The following RCAN2 variants were observed in gnomAD, a reference collection of about 807,000 sequenced individuals.
RCAN2 encodes calcipressin-2.
Under a neutral mutation model 23.6 loss-of-function variants are expected in RCAN2, and 9 were observed. The ratio of observed to expected loss-of-function variants is 0.38; its 90% CI spans 0.23 to 0.67. RCAN2 has a LOEUF of 0.67. Among genes scored for constraint, RCAN2 ranks in the 30% least tolerant of loss-of-function variants. The pLI, the probability that RCAN2 is intolerant of heterozygous loss-of-function variation, is 0.51. For synonymous variants in RCAN2, 109 were observed against 115.7 expected (o/e 0.94, Z 0.37); for missense variants, 273 against 302.3 (o/e 0.90, Z 0.72).
chr6:46,317,346 C>T (rs1249434272), intron 2 of RCAN2, among the ~76,000 whole-genome samples: 2 of 152,170 alleles, frequency 1.3e-5, no homozygotes, highest in South Asian at 4.1e-4. Flanking sequence ...AACACCACTT[C>T]TGATAAGAAA....
intron 2 of RCAN2, among the ~76,000 whole-genome samples, chr6:46,337,637 T>C (rs1026810761): frequency 2.6e-5 from 4 of 152,218 alleles, no homozygotes; most frequent in African/African-American, 9.6e-5. Flanking sequence ...TCACCTTTCA[T>C]CGTAACTTTA....
chr6:46,330,589 A>G (rs906947872), intron 2 of RCAN2, among the ~76,000 whole-genome samples: 18 of 152,160 alleles, frequency 1.2e-4, no homozygotes, highest in African/African-American at 3.9e-4. Flanking sequence ...CAGCTGTACT[A>G]TGATGTCCTC....
rs1445872305 is a variant in RCAN2 at position 46,243,829 on chromosome 6, A to AC, written c.571+2918_571+2919insG. Among the ~76,000 whole-genome samples, 18 of 150,720 alleles carry AC rather than the reference A, an allele frequency of 1.2e-4. 3 individuals carry two copies. The South Asian group carries it at 3.8e-3, about 32-fold the overall frequency. On this transcript the variant is annotated intron_variant, in intron 4 of 4. Transcript: ENST00000371374. ...TGTCTCAAAAAAAAAAAAAAAAAAA[A>AC]AAACCAAGAAATAATTCTTGATTCA...
intron 2 of RCAN2, among the ~76,000 whole-genome samples, chr6:46,442,243 A>T (rs182152189): frequency 5.2e-4 from 79 of 152,330 alleles, no homozygotes; most frequent in Non-Finnish European, 8.8e-4. Context: ...AGGCAACAGA[A>T]CTCAAGAGTT....
chr6:46,225,769 T>A (rs1203578556), intron 4 of RCAN2, among the ~76,000 whole-genome samples: 1 of 152,244 alleles, frequency 6.6e-6, no homozygotes, highest in Non-Finnish European at 1.5e-5. Flanking sequence ...TCTTTTGCTG[T>A]GCAGAAGCTC....
At chr6:46,360,612 A>C (rs1020770200) in intron 2 of RCAN2, among the ~76,000 whole-genome samples, 1 of 151,198 alleles carries the variant, frequency 6.6e-6, no homozygotes, top group African/African-American at 2.4e-5. Flanking sequence ...CTGAGAAACT[A>C]TTTTGAAGAA....
At chr6:46,250,141 A>G (rs1358575253) in intron 2 of RCAN2, among the ~76,000 whole-genome samples, 2 of 152,164 alleles carry the variant, frequency 1.3e-5, no homozygotes, top group Admixed American at 6.5e-5. Context: ...CTGACCCTCA[A>G]CCATCTAACA....
chr6:46,459,045 G>A (rs1047336176), intron 1 of RCAN2, among the ~76,000 whole-genome samples: 12 of 152,120 alleles, frequency 7.9e-5, no homozygotes, highest in Admixed American at 3.9e-4. Context: ...TTACAGGCAC[G>A]TGCTACCACG....
At chr6:46,472,500 C>T (rs530102725) in intron 1 of RCAN2, among the ~76,000 whole-genome samples, 1 of 152,256 alleles carries the variant, frequency 6.6e-6, no homozygotes, top group Non-Finnish European at 1.5e-5. Flanking sequence ...CTCCGCATCC[C>T]ATTCCCCTGT....
At chr6:46,248,097 T>G (rs1766582050) in intron 3 of RCAN2, among the ~76,000 whole-genome samples, 2 of 152,210 alleles carry the variant, frequency 1.3e-5, no homozygotes, top group Non-Finnish European at 2.9e-5. Flanking sequence ...TATCTAGTGA[T>G]GAGGTGAGGG....
chr6:46,384,194 G>A (rs1324827986), intron 2 of RCAN2, among the ~76,000 whole-genome samples: 3 of 152,118 alleles, frequency 2.0e-5, no homozygotes, highest in Non-Finnish European at 4.4e-5. Context: ...GTGACTTCCT[G>A]CATTGTTAAT....
intron 2 of RCAN2, among the ~76,000 whole-genome samples, chr6:46,456,101 T>G (rs1009102594): frequency 1.3e-5 from 2 of 152,128 alleles, no homozygotes; most frequent in Admixed American, 6.5e-5. Context: ...TTACACTAAG[T>G]TAAGTCTGTT....
intron 2 of RCAN2, among the ~76,000 whole-genome samples, chr6:46,454,153 G>A (rs1400962176): frequency 6.6e-6 from 1 of 152,122 alleles, no homozygotes; most frequent in Non-Finnish European, 1.5e-5. Flanking sequence ...CACCCTTTGT[G>A]GAAAATACCC....
chr6:46,452,580 C>A (rs938797110), intron 2 of RCAN2, among the ~76,000 whole-genome samples: 4 of 152,140 alleles, frequency 2.6e-5, no homozygotes, highest in Non-Finnish European at 4.4e-5. Context: ...AGAAATCACA[C>A]AAGTCATTTC....
At chr6:46,297,562 G>C (rs1190930994) in intron 2 of RCAN2, among the ~76,000 whole-genome samples, 1 of 152,014 alleles carries the variant, frequency 6.6e-6, no homozygotes, top group Non-Finnish European at 1.5e-5. Flanking sequence ...AGAAGAGCCA[G>C]GATTTCCCAC....
At chr6:46,362,918 C>A (rs143685861) in intron 2 of RCAN2, among the ~76,000 whole-genome samples, 6 of 152,252 alleles carry the variant, frequency 3.9e-5, no homozygotes, top group African/African-American at 1.4e-4. Flanking sequence ...AGATTTTGAA[C>A]TACCGTTTAT....
intron 2 of RCAN2, among the ~76,000 whole-genome samples, chr6:46,317,484 T>C (rs1356515788): frequency 6.6e-6 from 1 of 152,096 alleles, no homozygotes; most frequent in African/African-American, 2.4e-5. Flanking sequence ...TTTTTTGAGA[T>C]GGAGTCTCTC....
intron 2 of RCAN2, among the ~76,000 whole-genome samples, chr6:46,424,731 T>C (rs1225974731): frequency 6.6e-6 from 1 of 152,142 alleles, no homozygotes; most frequent in African/African-American, 2.4e-5. Context: ...GTTACTTCAC[T>C]TCCTTAAACA....
At chr6:46,244,805 C>T (rs1479100324) in intron 4 of RCAN2, among the ~76,000 whole-genome samples, 1 of 152,208 alleles carries the variant, frequency 6.6e-6, no homozygotes, top group Non-Finnish European at 1.5e-5. Context: ...CTTAGTGATT[C>T]TATAAAGAGC....
Sources: allele counts gnomAD v4.1 joint callset (sites outside exome capture counted in the v4.1 genomes callset), GRCh38; gene constraint gnomAD v4.1.1; transcripts MANE v1.5; gene names NCBI Gene and HGNC (gene_info 2026-07-23, HGNC 2026-07-21).